Variants in MRE11 observed in about 807,000 individuals in gnomAD.
MRE11 encodes the protein double-strand break repair protein MRE11.
In MRE11, 62 loss-of-function variants were observed where a neutral mutation model predicts 91.7. The observed-to-expected ratio is 0.68, with a 90% confidence interval of 0.55 to 0.84. MRE11 has a LOEUF of 0.84. Ranked by LOEUF, MRE11 falls within the 40% of genes least tolerant of loss-of-function variation. MRE11 has a pLI of 0.00. For missense variants in MRE11, 796 were observed against 852.9 expected (o/e 0.93, Z 0.83); for synonymous variants, 273 against 271.4 (o/e 1.01, Z -0.06).
chr11:94,444,988 C>T (rs1181920611), intron 16 of MRE11, among the ~76,000 whole-genome samples: 1 of 152,092 alleles, frequency 6.6e-6, no homozygotes, highest in Non-Finnish European at 1.5e-5. Flanking sequence ...ACATTTTAGG[C>T]TGATCTCATC....
chr11:94,437,164 CT>C lies in MRE11; in HGVS notation c.1926+12del, dbSNP rs762771876. On this transcript the variant is annotated intron_variant, in intron 17 of 19. Transcript: ENST00000323929. ...AAATTATTAATACACAACCATAAAA[CT>C]TTTTTTCTTACCTCTGAATAATTCT... 6.2e-7 allele frequency: 1 copy of C among 1,607,314 alleles called. No homozygotes were observed. The highest frequency in any genetic ancestry group is 8.5e-7 in the Non-Finnish European group (1 of 1,175,120).
intron 18 of MRE11, among the ~76,000 whole-genome samples, chr11:94,432,516 C>T (rs1204499643): frequency 1.3e-5 from 2 of 152,178 alleles, no homozygotes; most frequent in East Asian, 1.9e-4. Context: ...CCATTTCAAA[C>T]CCCTTATCTG....
Position 94,467,877 on chromosome 11 carries a change from T to C in MRE11, c.1034A>G (p.Glu345Gly), listed in dbSNP as rs1224864635. The C allele has an allele frequency of 2.5e-6, 4 of 1,613,670 alleles. No individual in the cohort carries two copies. The highest frequency in any genetic ancestry group is 3.4e-6 in the Non-Finnish European group (4 of 1,179,754). ...FCLEKIEEML[E>G]NAERERLGNS... ...ACCCAGACGTTCCCGTTCAGCATTT[T>C]CAAGCATTTCTTCAATCTCAAAATT... is the stretch of plus-strand genomic sequence containing the variant. The change falls in exon 10 of 20, where the codon GAA (glutamate) becomes GGA (glycine). Residue 345 changes from glutamate to glycine, a missense_variant. Physicochemically the swap from Glu to Gly is moderately conservative, Grantham distance 98. Coordinates refer to ENST00000323929, the MANE Select transcript of MRE11 (RefSeq NM_005591.4).
chr11:94,470,715 A>G (rs1448288468), intron 8 of MRE11, 73 bp from the exon 9 acceptor site: 17 of 1,468,000 alleles, frequency 1.2e-5, no homozygotes, highest in Admixed American at 1.7e-5. Flanking sequence ...GAAAGCTTTC[A>G]TATTTCTTAG....
At chr11:94,504,695 T>C in the MRE11 span, among the ~76,000 whole-genome samples, 5 of 152,248 alleles carry the variant, frequency 3.3e-5, no homozygotes, top group Admixed American at 2.6e-4. Context: ...TCAGTTTTGC[T>C]ATAAGACAAA....
At position 94,479,655 on chromosome 11, in the gene MRE11, C is replaced by T. The variant is rs2135090281; in HGVS notation, c.402+19G>A. The T allele has an allele frequency of 6.2e-7, 1 of 1,602,930 alleles. No individual in the cohort carries two copies. Among genetic ancestry groups the T allele is most frequent in the Non-Finnish European group, 8.5e-7 (1 of 1,171,186 alleles). On this transcript the variant is annotated intron_variant, in intron 5 of 19. Coordinates refer to ENST00000323929, the MANE Select transcript of MRE11 (RefSeq NM_005591.4). ...ATCATTTCCAAAATTCCAACAAACT[C>T]TAAGAAAACAATAATTACCCCTGTG... is the stretch of plus-strand genomic sequence containing the variant.
intron 19 of MRE11, among the ~76,000 whole-genome samples, chr11:94,423,281 G>A (rs1945222831): frequency 6.6e-6 from 1 of 152,124 alleles, no homozygotes; most frequent in East Asian, 1.9e-4. Flanking sequence ...AGGGGTGAGT[G>A]AATGGATGAT....
At chr11:94,456,427 T>G in intron 13 of MRE11, 89 bp from the exon 14 acceptor site, 2 of 1,043,736 alleles carry the variant, frequency 1.9e-6, no homozygotes, top group Admixed American at 4.0e-5. Flanking sequence ...AAATGCTTTA[T>G]GTTATAAAAC....
chr11:94,422,278 T>A (rs186660249), intron 19 of MRE11, among the ~76,000 whole-genome samples: 2 of 152,232 alleles, frequency 1.3e-5, no homozygotes, highest in East Asian at 3.9e-4. Context: ...CTCTTCCTCC[T>A]CCTCCTCATT....
chr11:94,434,970 G>A (rs1945564854), intron 18 of MRE11, among the ~76,000 whole-genome samples: 1 of 152,006 alleles, frequency 6.6e-6, no homozygotes, highest in South Asian at 2.1e-4. Flanking sequence ...CTCATTATTC[G>A]AGCTTTAGTT....
intron 18 of MRE11, among the ~76,000 whole-genome samples, chr11:94,435,608 G>GA (rs1434964095): frequency 2.0e-5 from 3 of 151,874 alleles, no homozygotes; most frequent in African/African-American, 7.3e-5. Flanking sequence ...AAGTCAAAAG[G>GA]AAAAAAATTA....
chr11:94,441,595 A>G (rs1339883679), intron 16 of MRE11, among the ~76,000 whole-genome samples: 2 of 152,232 alleles, frequency 1.3e-5, no homozygotes, highest in African/African-American at 4.8e-5. Flanking sequence ...AGAAGTCCTT[A>G]CTGTGTACAC....
the MRE11 span, among the ~76,000 whole-genome samples, chr11:94,509,435 CATT>C: frequency 2.0e-5 from 3 of 151,958 alleles, no homozygotes; most frequent in Admixed American, 2.0e-4. Flanking sequence ...CCTGTACATT[CATT>C]TGAATTTTCT....
chr11:94,418,055 A>T lies in MRE11; in HGVS notation c.*2070T>A, dbSNP rs1301125113. 4.3e-6 allele frequency: 1 copy of T among 233,132 alleles called. No homozygotes were observed. The highest frequency in any genetic ancestry group is 8.5e-6 in the Non-Finnish European group (1 of 117,990). 14.4% of individuals were successfully genotyped at this position (233,132 alleles called of 1,614,324 possible). A position where few individuals can be genotyped will look rare whatever the true frequency, so the allele number is the denominator to read the frequency against. ...GAGCAAATGCAGCTGCTTTCAAATC[A>T]TCTGAAAGACTTCTACATTCCTATA... On this transcript the variant is annotated 3_prime_UTR_variant, in exon 20 of 20. Coordinates refer to ENST00000323929, the MANE Select transcript of MRE11 (RefSeq NM_005591.4).
chr11:94,477,810 T>C (rs577660272), intron 6 of MRE11, among the ~76,000 whole-genome samples: 221 of 152,216 alleles, frequency 1.5e-3, no homozygotes, highest in East Asian at 8.1e-3. Flanking sequence ...AAGGGAACAG[T>C]GTGTTTGCAG....
Position 94,445,907 on chromosome 11 carries a change from G to T in MRE11, c.1784-14C>A, listed in dbSNP as rs1218045660. 2.5e-6 allele frequency: 4 copies of T among 1,596,110 alleles called. No homozygotes were observed. Among genetic ancestry groups the T allele is most frequent in the Non-Finnish European group, 3.4e-6 (4 of 1,163,704 alleles). On this transcript the variant is annotated splice_polypyrimidine_tract_variant and intron_variant, in intron 15 of 19. Coordinates refer to ENST00000323929, the MANE Select transcript of MRE11 (RefSeq NM_005591.4). ...GACCAGTGTCTGCTGTTAGAAAAAT[G>T]AACAGTCAATGTACAAGCCTATCAG...
chr11:94,501,629 A>G, the MRE11 span, among the ~76,000 whole-genome samples: 1 of 151,956 alleles, frequency 6.6e-6, no homozygotes, highest in Non-Finnish European at 1.5e-5. Context: ...TGGCTACTCC[A>G]TTGAAAGCAC....
intron 14 of MRE11, among the ~76,000 whole-genome samples, chr11:94,449,803 A>G (rs1946048419): frequency 6.6e-6 from 1 of 152,254 alleles, no homozygotes; most frequent in Non-Finnish European, 1.5e-5. Context: ...GCAGGCAATT[A>G]TAACACCATA....
intron 3 of MRE11, among the ~76,000 whole-genome samples, chr11:94,487,920 T>A (rs1478150258): frequency 1.3e-5 from 2 of 152,226 alleles, no homozygotes; most frequent in African/African-American, 4.8e-5. Context: ...GACTGGTTAG[T>A]GGGCATGGGC....
Sources: allele counts gnomAD v4.1 joint callset (sites outside exome capture counted in the v4.1 genomes callset), GRCh38; gene constraint gnomAD v4.1.1; transcripts MANE v1.5; gene names NCBI Gene and HGNC (gene_info 2026-07-23, HGNC 2026-07-21).